The following SVIL variants were observed in gnomAD, a reference collection of about 807,000 sequenced individuals.
SVIL encodes archvillin.
SVIL carries 101 observed loss-of-function variants against 240.4 expected under a neutral mutation model. The ratio of observed to expected loss-of-function variants is 0.42; its 90% confidence interval spans 0.36 to 0.50. SVIL has a LOEUF of 0.50. SVIL is among the 20% of genes least tolerant of loss of function. The probability of loss-of-function intolerance (pLI) is 0.01; values close to 1 mark genes in which losing one functional copy is unlikely to be tolerated. For missense variants in SVIL, 2,512 were observed against 2,818.7 expected (o/e 0.89, Z 2.46); for synonymous variants, 999 against 1,100.0 (o/e 0.91, Z 1.82).
At chr10:29,555,462 A>G (rs1033188271) in intron 3 of SVIL, among the ~76,000 whole-genome samples, 2 of 152,226 alleles carry the variant, frequency 1.3e-5, no homozygotes, top group Non-Finnish European at 2.9e-5. Context: ...ATACTGTTTA[A>G]TATGAAATAT....
At chr10:29,629,497 A>C (rs1299542169) in intron 1 of SVIL, among the ~76,000 whole-genome samples, 2 of 152,076 alleles carry the variant, frequency 1.3e-5, no homozygotes, top group African/African-American at 4.8e-5. Flanking sequence ...GATTCCTATT[A>C]AAGTTTGGGC....
At position 29,547,826 on chromosome 10, in the gene SVIL, C is replaced by A. The variant is rs535035419; in HGVS notation, c.827+2771G>T. 2.6e-5 allele frequency among the ~76,000 whole-genome samples: 4 copies of A among 152,318 alleles called. No homozygotes were observed. The South Asian group carries it at 8.3e-4, about 32-fold the overall frequency. On this transcript the variant is annotated intron_variant, in intron 6 of 37. Transcript: ENST00000355867. ...CAATCTGAAATTAGATTCCCCATTT[C>A]TTTTAAACCAGTGTAATTATATATC...
chr10:29,583,049 A>T (rs1188976365), intron 1 of SVIL, among the ~76,000 whole-genome samples: 1 of 152,210 alleles, frequency 6.6e-6, no homozygotes, highest in African/African-American at 2.4e-5. Flanking sequence ...TGTGAGTCTA[A>T]AAGTCCAGAT....
At chr10:29,603,399 T>C (rs1956889538) in intron 1 of SVIL, among the ~76,000 whole-genome samples, 1 of 152,252 alleles carries the variant, frequency 6.6e-6, no homozygotes, top group Non-Finnish European at 1.5e-5. Context: ...CTGTGGGGCA[T>C]GCTGTGAAGC....
At chr10:29,698,712 A>G (rs1962276369) in intron 1 of SVIL, among the ~76,000 whole-genome samples, 1 of 56,662 alleles carries the variant, frequency 1.8e-5, no homozygotes, top group African/African-American at 5.2e-5. Context: ...ACTCCAGGAA[A>G]AAAAAAAAAA....
At chr10:29,630,267 A>G (rs1320357336) in intron 1 of SVIL, among the ~76,000 whole-genome samples, 1 of 152,192 alleles carries the variant, frequency 6.6e-6, no homozygotes, top group African/African-American at 2.4e-5. Flanking sequence ...ACATGGGCAG[A>G]CCAATGATCC....
In SVIL at chr10:29,529,765, C is replaced by A. The variant is rs781570091; in HGVS notation, c.2186G>T (p.Arg729Leu). Reference protein sequence around the residue: ...RNTAVEQRLRRLQDRSLTQPI... With the variant: ...RNTAVEQRLRLLQDRSLTQPI... Reference sequence around the variant, plus strand: ...CTGGGTGAGGGACCTGTCCTGCAGACGGCGTAGCCTCTGCTCCACAGCTGT... The same window carrying A: ...CTGGGTGAGGGACCTGTCCTGCAGAAGGCGTAGCCTCTGCTCCACAGCTGT... The change falls in exon 12 of 38, where the codon CGT becomes CTT. Residue 729 changes from arginine to leucine, a missense_variant. Around this residue, in one of 3 missense-constraint regions of SVIL, gnomAD observed 1,443 missense variants for 1,486.6 expected, o/e 0.97. Transcript: ENST00000355867. 1 of 1,613,712 alleles carries A rather than the reference C, an allele frequency of 6.2e-7. No homozygotes were observed. The highest frequency in any genetic ancestry group is 8.5e-7 in the Non-Finnish European group (1 of 1,179,840).
rs553610938 is a variant in SVIL at position 29,706,296 on chromosome 10, T to C, written c.-399-19645A>G. On this transcript the variant is annotated intron_variant, in intron 1 of 35. Coordinates refer to the SVIL transcript ENST00000375400. ...CACCAACAGTGTAAAAGCATTCCTA[T>C]TTCTCCACATCCTCTCCAGCATCTG... Among the ~76,000 whole-genome samples, 26 of 152,370 alleles carry C rather than the reference T, an allele frequency of 1.7e-4. No individual in the cohort carries two copies. The East Asian group carries it at 5.0e-3, about 29-fold the overall frequency.
chr10:29,604,514 C>T (rs972801600), intron 1 of SVIL, among the ~76,000 whole-genome samples: 11 of 151,496 alleles, frequency 7.3e-5, no homozygotes, highest in South Asian at 4.2e-4. Flanking sequence ...TGAGCCATTG[C>T]GCCTGGCCAT....
intron 1 of SVIL, among the ~76,000 whole-genome samples, chr10:29,691,710 C>T (rs1961522084): frequency 6.6e-6 from 1 of 152,182 alleles, no homozygotes; most frequent in Non-Finnish European, 1.5e-5. Context: ...TAAGACATGA[C>T]TAATAGTTCC....
At chr10:29,482,612 T>G (rs1165867540) in intron 27 of SVIL, among the ~76,000 whole-genome samples, 1 of 138,672 alleles carries the variant, frequency 7.2e-6, no homozygotes, top group Non-Finnish European at 1.6e-5. Context: ...TTTTGTGCAC[T>G]TATTTCTAGG....
chr10:29,667,808 C>T (rs1216031595), intron 2 of SVIL, among the ~76,000 whole-genome samples: 6 of 151,398 alleles, frequency 4.0e-5, no homozygotes, highest in Admixed American at 2.0e-4. Context: ...GGAACCATGC[C>T]TGTGCCACTG....
chr10:29,637,143 T>C (rs1211724292), upstream of SVIL, among the ~76,000 whole-genome samples: 1 of 152,044 alleles, frequency 6.6e-6, no homozygotes, highest in Non-Finnish European at 1.5e-5. Flanking sequence ...CTAAAATTTA[T>C]AGTAAAGGTA....
At chr10:29,631,372 G>A (rs1308404042) in intron 1 of SVIL, among the ~76,000 whole-genome samples, 5 of 152,210 alleles carry the variant, frequency 3.3e-5, no homozygotes, top group South Asian at 4.1e-4. Flanking sequence ...GGCCAGGCGC[G>A]GTGGCTCATG....
chr10:29,462,222 C>T (rs1944343001), intron 36 of SVIL, 55 bp downstream of exon 36: 8 of 1,572,944 alleles, frequency 5.1e-6, no homozygotes, highest in Admixed American at 1.9e-5. Context: ...GTAAAGTTAA[C>T]CCACAATCCA....
chr10:29,566,143 C>T (rs952777824), intron 2 of SVIL, among the ~76,000 whole-genome samples: 1 of 152,002 alleles, frequency 6.6e-6, no homozygotes, highest in African/African-American at 2.4e-5. Context: ...TATCACCCTC[C>T]CTCCTTTCCT....
At chr10:29,732,015 G>A (rs955593458) in intron 1 of SVIL, among the ~76,000 whole-genome samples, 3 of 152,220 alleles carry the variant, frequency 2.0e-5, no homozygotes, top group Non-Finnish European at 2.9e-5. Flanking sequence ...GCCCTGCAGC[G>A]GCTTCTTTCT....
At chr10:29,643,630 C>T (rs1368616388) in intron 3 of SVIL, among the ~76,000 whole-genome samples, 2 of 152,056 alleles carry the variant, frequency 1.3e-5, no homozygotes, top group Non-Finnish European at 2.9e-5. Flanking sequence ...AACCAACAAC[C>T]CCCCACCCCT....
upstream of SVIL, among the ~76,000 whole-genome samples, chr10:29,637,782 G>T (rs1412954299): frequency 1.3e-5 from 2 of 152,138 alleles, no homozygotes; most frequent in Non-Finnish European, 2.9e-5. Context: ...ACAATAAAAA[G>T]GAACAAATTA....
Sources: gnomAD v4.1 joint callset for allele counts (sites outside exome capture counted in the v4.1 genomes callset) on GRCh38, gnomAD v4.1.1 for gene constraint, gnomAD v4.1.1 regional missense constraint, MANE v1.5 for transcripts, NCBI Gene and HGNC (gene_info 2026-07-23, HGNC 2026-07-21) for gene names.